Variants in SKIL observed in about 807,000 individuals in gnomAD.
SKIL encodes ski-like protein.
A neutral mutation model predicts 69.6 loss-of-function variants in SKIL; 20 were observed. The ratio of observed to expected loss-of-function variants is 0.29; its 90% CI spans 0.20 to 0.42. SKIL has a LOEUF of 0.42. Ranked by LOEUF, SKIL falls within the 10% of genes least tolerant of loss-of-function variation. The pLI, the probability that SKIL is intolerant of heterozygous loss-of-function variation, is 1.00. For synonymous variants in SKIL, 310 were observed against 279.9 expected, an observed-to-expected ratio of 1.11 and a Z score of -1.08; for missense variants, 745 against 783.1, an observed-to-expected ratio of 0.95 and a Z score of 0.58.
intron 2 of SKIL, among the ~76,000 whole-genome samples, chr3:170,367,101 TTTTGTTTGTTTG>T (rs374010874): frequency 6.6e-6 from 1 of 152,178 alleles, no homozygotes; most frequent in Admixed American, 6.5e-5. Context: ...TCTTCACTTT[TTTTGTTTGTTTG>T]TTTGTTTTTT....
intron 4 of SKIL, among the ~76,000 whole-genome samples, chr3:170,387,751 G>A (rs1275633463): frequency 1.1e-4 from 4 of 38,080 alleles, no homozygotes; most frequent in South Asian, 7.0e-4. Flanking sequence ...GTGAAACCCC[G>A]TCTCTACTAA....
At chr3:170,367,847 GA>G (rs1394316685) in intron 2 of SKIL, among the ~76,000 whole-genome samples, 2 of 152,042 alleles carry the variant, frequency 1.3e-5, no homozygotes, top group African/African-American at 2.4e-5. Flanking sequence ...ACTTAGGGGG[GA>G]AAAATCTCTA....
At chr3:170,375,496 T>C (rs1366450243) in intron 2 of SKIL, among the ~76,000 whole-genome samples, 3 of 152,248 alleles carry the variant, frequency 2.0e-5, no homozygotes, top group Non-Finnish European at 4.4e-5. Context: ...TTGCTTGATA[T>C]TCTGAAGATT....
chr3:170,390,568 C>CCTCCACCTCACAGGTTCAAG, intron 5 of SKIL, 104 bp downstream of exon 5: 2 of 845,924 alleles, frequency 2.4e-6, no homozygotes, highest in Non-Finnish European at 3.7e-6. Flanking sequence ...CTCACTGAAA[C>CCTCCACCTCACAGGTTCAAG]CTCCACCTCA....
intron 2 of SKIL, among the ~76,000 whole-genome samples, chr3:170,372,069 A>G (rs1666428019): frequency 6.6e-6 from 1 of 152,234 alleles, no homozygotes. Flanking sequence ...GTGGAAAATA[A>G]TGTGTATGAC....
chr3:170,367,232 C>T (rs1736575434), intron 2 of SKIL, among the ~76,000 whole-genome samples: 1 of 152,000 alleles, frequency 6.6e-6, no homozygotes, highest in African/African-American at 2.4e-5. Context: ...CCTCAGCCCC[C>T]TGAGTAGCTG....
Position 170,361,322 on chromosome 3 carries a change from G to T in SKIL, c.991G>T (p.Val331Leu). Residue 331 changes from valine (V) to leucine (L), a missense_variant, in exon 2 of 7, where the codon GTG becomes TTG. Coordinates refer to ENST00000259119, the MANE Select transcript of SKIL (RefSeq NM_005414.5). ...ESAKWHCYLH[V>L]NQKYLGTPEE... ...AGCTAAATGGCATTGCTATCTTCAT[G>T]TGAACCAAAAATACTTAGGAACACC... 6.2e-7 allele frequency: 1 copy of T among 1,613,734 alleles called. No individual in the cohort carries two copies. The highest frequency in any genetic ancestry group is 8.5e-7 in the Non-Finnish European group (1 of 1,179,934).
intron 2 of SKIL, among the ~76,000 whole-genome samples, chr3:170,376,507 A>T (rs907418229): frequency 1.3e-5 from 2 of 152,198 alleles, no homozygotes; most frequent in African/African-American, 4.8e-5. Flanking sequence ...TGAATTGTAA[A>T]ATGTCTGAAA....
chr3:170,357,733 C>T lies in SKIL; in HGVS notation c.-664C>T. 1 of 162,594 alleles carries T rather than the reference C, an allele frequency of 6.2e-6. No individual in the cohort carries two copies. 10.1% of individuals were successfully genotyped at this position (162,594 alleles called of 1,614,324 possible). A position where few individuals can be genotyped will look rare whatever the true frequency, so the allele number is the denominator to read the frequency against. On this transcript the variant is annotated 5_prime_UTR_variant, in exon 1 of 7. Coordinates refer to ENST00000259119, the MANE Select transcript of SKIL (RefSeq NM_005414.5). ...CGCCGGCACAGCCGAAGGGAGCGGG[C>T]GAGCGGCGACGGCGGCGGCGGCGGG... is the stretch of plus-strand genomic sequence containing the variant.
At position 170,361,179 on chromosome 3, in the gene SKIL, A is replaced by G. The variant is rs773612080; in HGVS notation, c.848A>G (p.Gln283Arg). 23 of 1,614,120 alleles carry G rather than the reference A, an allele frequency of 1.4e-5. No homozygotes were observed. In the East Asian group the frequency reaches 4.5e-4, roughly 31 times the overall value. ...TTATTTGCACCCCAGTTTTATGTTCAGCCTGATGCTCCGTGTATTCAATGT... is the reference window on the plus strand; with the variant it reads ...TTATTTGCACCCCAGTTTTATGTTCGGCCTGATGCTCCGTGTATTCAATGT... The part of the protein sequence containing the change: ...QGLFAPQFYV[Q>R]PDAPCIQCLE... Residue 283 changes from glutamine to arginine, a missense_variant, in exon 2 of 7, where the codon CAG (glutamine) becomes CGG (arginine). Transcript: ENST00000259119.
intron 2 of SKIL, among the ~76,000 whole-genome samples, chr3:170,370,560 A>G (rs1736760176): frequency 6.7e-6 from 1 of 149,594 alleles, no homozygotes; most frequent in African/African-American, 2.5e-5. Flanking sequence ...AGTGAAGTCT[A>G]AGTGGCCCTA....
At chr3:170,387,584 G>A (rs554026634) in intron 4 of SKIL, among the ~76,000 whole-genome samples, 162 of 151,420 alleles carry the variant, frequency 1.1e-3, no homozygotes, top group African/African-American at 3.7e-3. Flanking sequence ...TTATTCCTTC[G>A]TCAGTCGGAC....
chr3:170,391,935 C>G (rs1045724295), intron 6 of SKIL, among the ~76,000 whole-genome samples: 3 of 152,162 alleles, frequency 2.0e-5, no homozygotes, highest in Non-Finnish European at 4.4e-5. Flanking sequence ...ATAAGCAATT[C>G]TCTTTTGTTA....
At chr3:170,370,439 G>GCCCCCCCCC (rs34185518) in intron 2 of SKIL, among the ~76,000 whole-genome samples, 1 of 11,194 alleles carries the variant, frequency 8.9e-5, no homozygotes, top group Non-Finnish European at 1.7e-4. Flanking sequence ...GAGAGAGAGA[G>GCCCCCCCCC]CCCCCCCCCC....
intron 2 of SKIL, among the ~76,000 whole-genome samples, chr3:170,366,075 A>AAATATAT (rs1736497306): frequency 2.1e-5 from 3 of 145,756 alleles, no homozygotes; most frequent in Non-Finnish European, 4.5e-5. Flanking sequence ...TTTTTTTTTA[A>AAATATAT]GACTGTACTA....
At chr3:170,378,402 G>A (rs964863685) in intron 2 of SKIL, among the ~76,000 whole-genome samples, 2 of 152,108 alleles carry the variant, frequency 1.3e-5, no homozygotes, top group Non-Finnish European at 2.9e-5. Context: ...GTTTAGAGTT[G>A]ATTTTGTTTT....
Position 170,390,477 on chromosome 3 carries a change from T to C in SKIL, c.1671+13T>C, listed in dbSNP as rs778500915. 6.2e-7 allele frequency: 1 copy of C among 1,601,030 alleles called. No individual in the cohort carries two copies. Among genetic ancestry groups the C allele is most frequent in the Non-Finnish European group, 8.6e-7 (1 of 1,168,818 alleles). Reference sequence around the variant, plus strand: ...ACAACTTCAGATGGTAAAATTGTTATCTAAATGATAGTCCATTATGAAAAG... The same window carrying C: ...ACAACTTCAGATGGTAAAATTGTTACCTAAATGATAGTCCATTATGAAAAG... On this transcript the variant is annotated intron_variant, in intron 5 of 6. Transcript: ENST00000259119.
Position 170,378,014 on chromosome 3 carries a change from C to T in SKIL, c.1099-3230C>T, listed in dbSNP as rs191707689. On this transcript the variant is annotated intron_variant, in intron 2 of 6. Coordinates refer to ENST00000259119, the MANE Select transcript of SKIL (RefSeq NM_005414.5). ...GTTCAAGCGATTCTCCTGCCTCAGC[C>T]TCCTGAGTAGCTAGGATTACAGGTG... Among the ~76,000 whole-genome samples, 644 of 152,298 alleles carry T rather than the reference C, an allele frequency of 4.2e-3. 6 individuals carry two copies. Among genetic ancestry groups the T allele is most frequent in the African/African-American group, 0.015 (603 of 41,556 alleles).
chr3:170,380,235 A>T (rs1737264044), intron 2 of SKIL, among the ~76,000 whole-genome samples: 1 of 152,226 alleles, frequency 6.6e-6, no homozygotes, highest in Non-Finnish European at 1.5e-5. Context: ...GTAGAATGGT[A>T]TCTAGCTAAT....
Sources: allele counts gnomAD v4.1 joint callset (sites outside exome capture counted in the v4.1 genomes callset), GRCh38; gene constraint gnomAD v4.1.1; transcripts MANE v1.5; gene names NCBI Gene and HGNC (gene_info 2026-07-23, HGNC 2026-07-21).